Variants in LAMC3 observed in about 807,000 individuals in gnomAD.
LAMC3 encodes the protein laminin subunit gamma-3.
Under a neutral mutation model 173.8 loss-of-function variants are expected in LAMC3, and 128 were observed. The observed-to-expected ratio is 0.74, with a 90% CI of 0.64 to 0.85. The LOEUF (loss-of-function observed/expected upper bound fraction) is 0.85, where lower values mean the gene tolerates loss of function less well. Ranked by LOEUF, LAMC3 falls within the 40% of genes least tolerant of loss-of-function variation. The pLI, the probability that LAMC3 is intolerant of heterozygous loss-of-function variation, is 0.00. For missense variants in LAMC3, 2,022 were observed against 2,156.0 expected, an observed-to-expected ratio of 0.94 and a Z score of 1.23; for synonymous variants, 897 against 909.1, an observed-to-expected ratio of 0.99 and a Z score of 0.24.
rs1274886506 is a variant in LAMC3 at position 131,036,230 on chromosome 9, T to G, written c.874T>G (p.Cys292Gly). Residue 292 changes from cysteine to glycine, a missense_variant, in exon 4 of 28, where the codon TGC (cysteine) becomes GGC (glycine). Cys to Gly is a radical substitution (Grantham distance 159). Coordinates refer to ENST00000361069, the MANE Select transcript of LAMC3 (RefSeq NM_006059.4). Reference sequence around the variant, plus strand: ...CGTGGCAGGCCAGTTGGCCTGCCGGTGCCAGCACAACACCACCGGCACAGA... The same window carrying G: ...CGTGGCAGGCCAGTTGGCCTGCCGGGGCCAGCACAACACCACCGGCACAGA... ...PDVAGQLACRCQHNTTGTDCE... is the reference protein window; with the variant it reads ...PDVAGQLACRGQHNTTGTDCE... 1 of 1,613,060 alleles carries G rather than the reference T, an allele frequency of 6.2e-7. No homozygotes were observed. The highest frequency in any genetic ancestry group is 1.3e-5 in the African/African-American group (1 of 75,024).
At chr9:131,067,528 C>T (rs1829961632) in intron 14 of LAMC3, among the ~76,000 whole-genome samples, 1 of 152,204 alleles carries the variant, frequency 6.6e-6, no homozygotes. Flanking sequence ...TCTCCATGGC[C>T]ATGCCTCCCC....
At chr9:131,038,496 T>C (rs1055503535) in intron 4 of LAMC3, among the ~76,000 whole-genome samples, 2 of 152,178 alleles carry the variant, frequency 1.3e-5, no homozygotes, top group African/African-American at 4.8e-5. Flanking sequence ...CACACTATTA[T>C]GGCTTGGAGG....
At position 131,091,878 on chromosome 9, in the gene LAMC3, C is replaced by A; in HGVS notation, c.*91C>A. 6.7e-7 allele frequency: 1 copy of A among 1,500,702 alleles called. No individual in the cohort carries two copies. The highest frequency in any genetic ancestry group is 9.1e-7 in the Non-Finnish European group (1 of 1,104,942). 93.0% of individuals were successfully genotyped at this position (1,500,702 alleles called of 1,614,324 possible). A position where few individuals can be genotyped will look rare whatever the true frequency, so the allele number is the denominator to read the frequency against. On this transcript the variant is annotated 3_prime_UTR_variant, in exon 28 of 28. Transcript: ENST00000361069. ...TACCCCACAGGTGTGCCCATACAGA[C>A]ATTCCCCGGAGCCGGCTGCTGTGAA...
At chr9:131,022,612 G>C (rs1378484264) in intron 1 of LAMC3, among the ~76,000 whole-genome samples, 3 of 152,058 alleles carry the variant, frequency 2.0e-5, no homozygotes, top group Non-Finnish European at 4.4e-5. Context: ...ACAGGCTGGA[G>C]TGCAGTGGCA....
intron 1 of LAMC3, among the ~76,000 whole-genome samples, chr9:131,010,154 A>C (rs920519108): frequency 0.072 from 8,040 of 112,324 alleles, 567 homozygotes; most frequent in African/African-American, 0.23. Flanking sequence ...CTCCGTCTCA[A>C]AAAAAAAAAA....
chr9:131,023,566 T>C (rs571488782), intron 1 of LAMC3, among the ~76,000 whole-genome samples: 1 of 152,366 alleles, frequency 6.6e-6, no homozygotes, highest in African/African-American at 2.4e-5. Flanking sequence ...TGGCCATTCA[T>C]ATATCCACTT....
At position 131,032,610 on chromosome 9, in the gene LAMC3, C is replaced by CACTCGCTT. The variant is rs1588143136; in HGVS notation, c.809+435_809+436insACTCGCTT. 2.9e-5 allele frequency among the ~76,000 whole-genome samples: 4 copies of CACTCGCTT among 138,904 alleles called. No individual in the cohort carries two copies. In the East Asian group the frequency reaches 8.0e-4, roughly 28 times the overall value. The allele number at this position is 138,904 out of a possible 152,430, so 91.1% of individuals were successfully genotyped here. ...TCTCTTTCTCACTCGCTTTCTCTCTCTCTCTCTCTCTCTCACTCTCTCTTG... is the reference window on the plus strand; with the variant it reads ...TCTCTTTCTCACTCGCTTTCTCTCTCACTCGCTTTCTCTCTCTCTCTCACTCTCTCTTG... On this transcript the variant is annotated intron_variant, in intron 3 of 27. Transcript: ENST00000361069.
chr9:131,027,544 C>G (rs1833745032), intron 2 of LAMC3, among the ~76,000 whole-genome samples: 1 of 152,096 alleles, frequency 6.6e-6, no homozygotes, highest in Admixed American at 6.5e-5. Context: ...TGTGGTGCCA[C>G]CAGCCACCAT....
At chr9:131,079,028 C>A in intron 22 of LAMC3, 121 bp from the exon 23 acceptor site, 1 of 1,294,348 alleles carries the variant, frequency 7.7e-7, no homozygotes, top group Non-Finnish European at 1.1e-6. Flanking sequence ...GGCTTGGGTT[C>A]TTGGCTGGCA....
chr9:131,076,371 G>A (rs1447005559), intron 21 of LAMC3, among the ~76,000 whole-genome samples: 2 of 152,038 alleles, frequency 1.3e-5, no homozygotes, highest in Non-Finnish European at 1.5e-5. Context: ...TTTCTGCTTT[G>A]GTGACCCCTT....
chr9:131,050,574 T>C (rs1834263810), intron 9 of LAMC3, among the ~76,000 whole-genome samples: 1 of 152,140 alleles, frequency 6.6e-6, no homozygotes, highest in Non-Finnish European at 1.5e-5. Flanking sequence ...AAGACCAGCC[T>C]GACCAATATG....
chr9:131,060,296 C>T (rs1226523087), intron 12 of LAMC3, among the ~76,000 whole-genome samples: 1 of 152,232 alleles, frequency 6.6e-6, no homozygotes, highest in Non-Finnish European at 1.5e-5. Context: ...AACAGTGTAG[C>T]GAATGGTAGC....
At chr9:131,025,067 A>C (rs1564365285) in intron 1 of LAMC3, among the ~76,000 whole-genome samples, 1 of 152,084 alleles carries the variant, frequency 6.6e-6, no homozygotes, top group Non-Finnish European at 1.5e-5. Flanking sequence ...CTTCCTTCTT[A>C]TTATTGAAAT....
In LAMC3 at chr9:131,068,825, G is replaced by A. The variant is rs1588162192; in HGVS notation, c.2748-83G>A. 38 of 1,502,518 alleles carry A rather than the reference G, an allele frequency of 2.5e-5. No homozygotes were observed. The South Asian group carries it at 4.4e-4, about 17-fold the overall frequency. The allele number at this position is 1,502,518 out of a possible 1,614,324, so 93.1% of individuals were successfully genotyped here. On this transcript the variant is annotated intron_variant, in intron 15 of 27. Coordinates refer to ENST00000361069, the MANE Select transcript of LAMC3 (RefSeq NM_006059.4). ...TGTCAGCAGAGGGCTGTGATCTGAG[G>A]CCCCAGCCAGCTGCAGCCGGCAGAG... is the stretch of plus-strand genomic sequence containing the variant.
At chr9:131,071,367 G>A (rs1830032773) in intron 17 of LAMC3, 117 bp from the exon 18 acceptor site, 2 of 1,212,144 alleles carry the variant, frequency 1.6e-6, no homozygotes, top group Non-Finnish European at 1.2e-6. Flanking sequence ...GAGGCCCAGG[G>A]GAGGATTTGG....
At chr9:131,053,664 C>G (rs1201640557) in intron 11 of LAMC3, among the ~76,000 whole-genome samples, 7 of 152,182 alleles carry the variant, frequency 4.6e-5, no homozygotes, top group Non-Finnish European at 2.9e-5. Flanking sequence ...GAAACCCCAC[C>G]TCTACTAAAA....
chr9:131,036,424 C>T (rs550041335), intron 4 of LAMC3, 92 bp downstream of exon 4: 2 of 1,451,604 alleles, frequency 1.4e-6, no homozygotes, highest in Admixed American at 3.6e-5. Context: ...GTGGGGGCTG[C>T]TCCTGGGTAC....
chr9:131,075,731 T>C, intron 20 of LAMC3, 100 bp from the exon 21 acceptor site: 1 of 1,338,600 alleles, frequency 7.5e-7, no homozygotes, highest in Admixed American at 2.0e-5. Flanking sequence ...TGTCCTCTGT[T>C]AGGGGCAGCA....
intron 24 of LAMC3, among the ~76,000 whole-genome samples, chr9:131,084,584 A>G (rs1830297168): frequency 6.6e-6 from 1 of 152,310 alleles, no homozygotes; most frequent in East Asian, 1.9e-4. Context: ...TTCTTATTGG[A>G]TAATAAAATC....
Sources: gnomAD v4.1 joint callset for allele counts (sites outside exome capture counted in the v4.1 genomes callset) on GRCh38, gnomAD v4.1.1 for gene constraint, MANE v1.5 for transcripts, NCBI Gene and HGNC (gene_info 2026-07-23, HGNC 2026-07-21) for gene names.